Variants in C1orf185 observed in about 807,000 individuals in gnomAD.
C1orf185 encodes uncharacterized protein C1orf185.
In C1orf185, 13 loss-of-function variants were observed where a neutral mutation model predicts 16.1. The ratio of observed to expected loss-of-function variants is 0.81; its 90% CI spans 0.53 to 1.28. The LOEUF (loss-of-function observed/expected upper bound fraction) is 1.28. Ranked by LOEUF, C1orf185 falls within the 50% of genes most tolerant of loss-of-function variation. C1orf185 has a pLI of 0.00. For missense variants in C1orf185, 220 were observed against 225.2 expected, an observed-to-expected ratio of 0.98 and a Z score of 0.15; for synonymous variants, 80 against 76.9, an observed-to-expected ratio of 1.04 and a Z score of -0.21.
At chr1:51,142,038 G>A (rs1646368215) in intron 3 of C1orf185, among the ~76,000 whole-genome samples, 1 of 152,130 alleles carries the variant, frequency 6.6e-6, no homozygotes, top group Non-Finnish European at 1.5e-5. Flanking sequence ...CAAAGTGCAA[G>A]TGCTGGGATT....
In C1orf185 at chr1:51,112,487, T is replaced by A; in HGVS notation, c.40T>A (p.Phe14Ile). The change falls in exon 2 of 5, where the codon TTT becomes ATT. Residue 14 changes from phenylalanine to isoleucine, a missense_variant. Coordinates refer to ENST00000371759, the MANE Select transcript of C1orf185 (RefSeq NM_001136508.2). ...AGGTTTTTTTAATTACTTGACCTATTTTCTTGCTGCTGGTGCTGTCACTTT... is the reference window on the plus strand; with the variant it reads ...AGGTTTTTTTAATTACTTGACCTATATTCTTGCTGCTGGTGCTGTCACTTT... Reference protein sequence around the residue: ...PKGFFNYLTYFLAAGAVTLGI... With the variant: ...PKGFFNYLTYILAAGAVTLGI... 1 of 1,549,876 alleles carries A rather than the reference T, an allele frequency of 6.5e-7. No homozygotes were observed. The highest frequency in any genetic ancestry group is 8.7e-7 in the Non-Finnish European group (1 of 1,146,506).
At chr1:51,108,112 G>A (rs1646087345) in intron 1 of C1orf185, among the ~76,000 whole-genome samples, 1 of 152,182 alleles carries the variant, frequency 6.6e-6, no homozygotes, top group South Asian at 2.1e-4. Context: ...CACCACCAGT[G>A]AATGAGAGTT....
chr1:51,108,198 T>A (rs967969166), intron 1 of C1orf185, among the ~76,000 whole-genome samples: 34 of 152,236 alleles, frequency 2.2e-4, no homozygotes, highest in African/African-American at 7.7e-4. Context: ...GGTCATAGTA[T>A]CTCATTGTGG....
chr1:51,124,514 T>A (rs2148019417), intron 3 of C1orf185, among the ~76,000 whole-genome samples: 1 of 152,324 alleles, frequency 6.6e-6, no homozygotes, highest in Admixed American at 6.5e-5. Context: ...TTGTTGAACA[T>A]TACTGCTCTT....
At chr1:51,138,259 T>A (rs766301635) in intron 3 of C1orf185, among the ~76,000 whole-genome samples, 3 of 152,176 alleles carry the variant, frequency 2.0e-5, no homozygotes, top group Non-Finnish European at 4.4e-5. Context: ...TGTTTGTACA[T>A]TACTTATTTT....
intron 3 of C1orf185, among the ~76,000 whole-genome samples, chr1:51,129,277 A>G (rs970189976): frequency 5.3e-5 from 8 of 152,116 alleles, no homozygotes; most frequent in African/African-American, 1.9e-4. Flanking sequence ...GAGCACTGGG[A>G]TTATGAGTGT....
At chr1:51,143,724 C>T (rs1646381479) in intron 3 of C1orf185, among the ~76,000 whole-genome samples, 1 of 152,208 alleles carries the variant, frequency 6.6e-6, no homozygotes, top group South Asian at 2.1e-4. Flanking sequence ...AATGCAGTGG[C>T]TTGATGCGGC....
intron 3 of C1orf185, among the ~76,000 whole-genome samples, chr1:51,124,755 T>G (rs559812524): frequency 1.2e-4 from 19 of 152,292 alleles, no homozygotes; most frequent in African/African-American, 3.8e-4. Flanking sequence ...ATGACACTGG[T>G]GATAGTGTCT....
chr1:51,142,608 G>A (rs1412846734), intron 3 of C1orf185, among the ~76,000 whole-genome samples: 1 of 152,102 alleles, frequency 6.6e-6, no homozygotes, highest in Non-Finnish European at 1.5e-5. Context: ...ATCTCTCCTT[G>A]AATGAGTTTT....
rs35232347 is a variant in C1orf185, at chr1:51,111,370, C to CTTTTTTTTTTTTTTTTTTTTT, written c.17-1091_17-1090insTTTTTTTTTTTTTTTTTTTTT. Among the ~76,000 whole-genome samples, 58 of 114,402 alleles carry CTTTTTTTTTTTTTTTTTTTTT rather than the reference C, an allele frequency of 5.1e-4. 6 individuals carry two copies. The highest frequency in any genetic ancestry group is 9.5e-4 in the African/African-American group (26 of 27,346). The allele number at this position is 114,402 out of a possible 152,430, so 75.1% of individuals were successfully genotyped here. On this transcript the variant is annotated intron_variant, in intron 1 of 4. Coordinates refer to ENST00000371759, the MANE Select transcript of C1orf185 (RefSeq NM_001136508.2). ...ATATTGCTTTCATTTAGCTTTCTTTCTTTCTTTTTTTTTTTTTTTGAGAGA... is the reference window on the plus strand; with the variant it reads ...ATATTGCTTTCATTTAGCTTTCTTTCTTTTTTTTTTTTTTTTTTTTTTTTCTTTTTTTTTTTTTTTGAGAGA...
At chr1:51,117,153 T>C (rs867177172) in intron 2 of C1orf185, among the ~76,000 whole-genome samples, 2 of 152,216 alleles carry the variant, frequency 1.3e-5, no homozygotes, top group Admixed American at 1.3e-4. Context: ...ACATCCAGCA[T>C]AAAGCCTGGC....
At chr1:51,147,226 T>C (rs1423288407) in intron 4 of C1orf185, among the ~76,000 whole-genome samples, 3 of 152,208 alleles carry the variant, frequency 2.0e-5, no homozygotes, top group African/African-American at 7.2e-5. Context: ...AAGGAACATT[T>C]TGAAACATTT....
chr1:51,119,406 T>A (rs1471409034), intron 3 of C1orf185, among the ~76,000 whole-genome samples: 11 of 152,260 alleles, frequency 7.2e-5, no homozygotes, highest in Non-Finnish European at 1.5e-4. Context: ...GTTTTGTAGA[T>A]AGATAAATAG....
At chr1:51,114,491 G>C (rs1416418958) in intron 2 of C1orf185, among the ~76,000 whole-genome samples, 1 of 152,180 alleles carries the variant, frequency 6.6e-6, no homozygotes. Context: ...GGGAGGCCAA[G>C]GCAGGTGGAT....
At chr1:51,148,424 G>GA (rs1268147097), downstream of C1orf185, among the ~76,000 whole-genome samples, 2 of 151,944 alleles carry the variant, frequency 1.3e-5, no homozygotes, top group African/African-American at 2.4e-5. Context: ...CGCCTGGCCA[G>GA]AAAAAAATAT....
At chr1:51,106,571 C>T (rs1646073753) in intron 1 of C1orf185, among the ~76,000 whole-genome samples, 1 of 151,974 alleles carries the variant, frequency 6.6e-6, no homozygotes, top group South Asian at 2.1e-4. Flanking sequence ...TTGCTTGAGC[C>T]CCAGGAGCTC....
At chr1:51,115,181 T>A (rs1177494228) in intron 2 of C1orf185, among the ~76,000 whole-genome samples, 1 of 151,910 alleles carries the variant, frequency 6.6e-6, no homozygotes, top group Non-Finnish European at 1.5e-5. Context: ...CTACTAAAAG[T>A]ACAAAAATTA....
intron 3 of C1orf185, among the ~76,000 whole-genome samples, chr1:51,140,067 A>G (rs1358877329): frequency 6.6e-6 from 1 of 152,208 alleles, no homozygotes; most frequent in Non-Finnish European, 1.5e-5. Context: ...AAAAAAGTAT[A>G]ATTAGCTCAC....
chr1:51,143,121 G>T (rs547706789), intron 3 of C1orf185, among the ~76,000 whole-genome samples: 1 of 151,866 alleles, frequency 6.6e-6, no homozygotes, highest in Non-Finnish European at 1.5e-5. Context: ...CAAGATGTTT[G>T]TTTTTTGTTT....
Sources: allele counts gnomAD v4.1 joint callset (sites outside exome capture counted in the v4.1 genomes callset), GRCh38; gene constraint gnomAD v4.1.1; transcripts MANE v1.5; gene names NCBI Gene and HGNC (gene_info 2026-07-23, HGNC 2026-07-21).